KCND3: variants seen among roughly 807,000 people sequenced by gnomAD.
KCND3 encodes the protein potassium voltage-gated channel subfamily D member 3.
A neutral mutation model predicts 51.1 loss-of-function variants in KCND3; 9 were observed. The observed-to-expected ratio is 0.18, with a 90% CI of 0.11 to 0.31. KCND3 has a LOEUF of 0.31. Among genes scored for constraint, KCND3 ranks in the 10% least tolerant of loss-of-function variants. The pLI, the probability that KCND3 is intolerant of heterozygous loss-of-function variation, is 1.00. For missense variants in KCND3, 526 were observed against 903.8 expected, an observed-to-expected ratio of 0.58 and a Z score of 5.36; for synonymous variants, 349 against 368.0, an observed-to-expected ratio of 0.95 and a Z score of 0.59.
Position 111,982,100 on chromosome 1 carries a change from C to G in KCND3, c.627G>C (p.Thr209=), listed in dbSNP as rs149299911. 3.0e-4 allele frequency: 490 copies of G among 1,613,708 alleles called. 2 individuals are homozygous for G. The African/African-American group carries it at 6.0e-3, about 20-fold the overall frequency. Residue 209 remains threonine, a synonymous_variant, in exon 2 of 8, where the codon ACG becomes ACC. Transcript: ENST00000302127. The surrounding 1 kb of genome is among the most constrained non-coding windows in gnomAD (Gnocchi z 8.5). Reference sequence around the variant, plus strand: ...ACGGCAGCTCCTTGCTGCCCGGGACCGTGCCGCACGGCACCGTCTCCACCA... The same window carrying G: ...ACGGCAGCTCCTTGCTGCCCGGGACGGTGCCGCACGGCACCGTCTCCACCA... ...TNVVETVPCG[T]VPGSKELPCG... is the part of the protein sequence containing the mutation.
intron 2 of KCND3, among the ~76,000 whole-genome samples, chr1:111,860,581 T>C (rs1168587006): frequency 6.6e-6 from 1 of 152,164 alleles, no homozygotes; most frequent in Non-Finnish European, 1.5e-5. Context: ...TGCTAATGCA[T>C]GACCCACACT....
At chr1:111,820,720 C>G (rs10745321) in intron 2 of KCND3, among the ~76,000 whole-genome samples, 104,003 of 152,034 alleles carry the variant, frequency 0.68, 35,699 homozygotes, top group Middle Eastern at 0.71. Context: ...TTGAAATAGG[C>G]TCTTTGTGGA....
At chr1:111,823,764 C>T (rs1425111778) in intron 2 of KCND3, among the ~76,000 whole-genome samples, 1 of 152,132 alleles carries the variant, frequency 6.6e-6, no homozygotes, top group African/African-American at 2.4e-5. Context: ...TGCACAAGGT[C>T]CCTCAGCTAG....
intron 2 of KCND3, among the ~76,000 whole-genome samples, chr1:111,901,471 G>A (rs1429009033): frequency 6.6e-6 from 1 of 152,174 alleles, no homozygotes; most frequent in Non-Finnish European, 1.5e-5. Flanking sequence ...ACTTTCATTT[G>A]TTTCTTCAAC....
chr1:111,956,172 T>A (rs1673330382), intron 2 of KCND3, among the ~76,000 whole-genome samples: 1 of 151,504 alleles, frequency 6.6e-6, no homozygotes, highest in Non-Finnish European at 1.5e-5. Context: ...TGAGCTGGAG[T>A]CCTTGGAGAC....
chr1:111,779,470 T>C (rs1664277391), intron 5 of KCND3, among the ~76,000 whole-genome samples: 1 of 152,194 alleles, frequency 6.6e-6, no homozygotes. Flanking sequence ...GCAGGAAGGC[T>C]TTCACTTTGT....
chr1:111,826,118 T>C (rs1265144006), intron 2 of KCND3, among the ~76,000 whole-genome samples: 4 of 152,232 alleles, frequency 2.6e-5, no homozygotes, highest in African/African-American at 7.2e-5. Context: ...ATTTCTTCTT[T>C]AGCGAATTGT....
chr1:111,818,038 G>T (rs901744000), intron 2 of KCND3, among the ~76,000 whole-genome samples: 2 of 112,228 alleles, frequency 1.8e-5, no homozygotes, highest in Non-Finnish European at 3.6e-5. Flanking sequence ...GCACACGCGC[G>T]TGCACACACA....
chr1:111,970,358 T>C (rs1674259257), intron 2 of KCND3, among the ~76,000 whole-genome samples: 1 of 152,238 alleles, frequency 6.6e-6, no homozygotes, highest in Non-Finnish European at 1.5e-5. Context: ...TTGCCTGTTC[T>C]GTTCACAGAT....
At chr1:111,882,843 A>G (rs1178930038) in intron 2 of KCND3, among the ~76,000 whole-genome samples, 2 of 152,028 alleles carry the variant, frequency 1.3e-5, no homozygotes, top group Non-Finnish European at 1.5e-5. Context: ...CCACCCCAGG[A>G]CCTCGGCCCA....
chr1:111,782,097 T>C (rs1041032681), intron 3 of KCND3, among the ~76,000 whole-genome samples: 1 of 152,190 alleles, frequency 6.6e-6, no homozygotes, highest in East Asian at 1.9e-4. Context: ...GACTTCAGCA[T>C]GGACCCTAAG....
chr1:111,832,228 T>C (rs929963394), intron 2 of KCND3, among the ~76,000 whole-genome samples: 1 of 152,090 alleles, frequency 6.6e-6, no homozygotes, highest in Admixed American at 6.5e-5. Flanking sequence ...CTTTAAAAGG[T>C]GGGGTGCATG....
At chr1:111,894,491 T>A (rs562002206) in intron 2 of KCND3, among the ~76,000 whole-genome samples, 19 of 152,292 alleles carry the variant, frequency 1.2e-4, no homozygotes, top group African/African-American at 4.6e-4. Flanking sequence ...GTGTTTTTTA[T>A]CCCCCCACTA....
chr1:111,987,859 G>T (rs1675377354), intron 1 of KCND3, among the ~76,000 whole-genome samples: 2 of 152,140 alleles, frequency 1.3e-5, no homozygotes, highest in Admixed American at 1.3e-4. Context: ...GGGGGTGGGG[G>T]GAGGCTGGAA....
At chr1:111,834,601 C>T (rs961268719) in intron 2 of KCND3, among the ~76,000 whole-genome samples, 1 of 152,118 alleles carries the variant, frequency 6.6e-6, no homozygotes, top group Admixed American at 6.5e-5. Flanking sequence ...AAGAGGTCAC[C>T]CAGGCTTTGA....
At chr1:111,930,884 C>T (rs977238977) in intron 2 of KCND3, among the ~76,000 whole-genome samples, 6 of 152,186 alleles carry the variant, frequency 3.9e-5, no homozygotes, top group African/African-American at 1.4e-4. Context: ...CCAGGTAGCT[C>T]AGTTCTGCAG....
intron 2 of KCND3, among the ~76,000 whole-genome samples, chr1:111,963,373 C>T (rs1673777729): frequency 6.6e-6 from 1 of 152,230 alleles, no homozygotes; most frequent in African/African-American, 2.4e-5. Context: ...ATCCTAGAGC[C>T]AGAATGCCTC....
In KCND3 at chr1:111,771,207, A is replaced by T. The variant is rs988588967; in HGVS notation, c.*4870T>A. On this transcript the variant is annotated 3_prime_UTR_variant, in exon 8 of 8. Transcript: ENST00000302127. ...CAGAACATTCTGAATAGAAAACAAG[A>T]CTTAAAAGGAACCCCTTTAAAGCTG... 1 of 152,152 alleles carries T rather than the reference A, an allele frequency of 6.6e-6. No individual in the cohort carries two copies. Among genetic ancestry groups the T allele is most frequent in the Admixed American group, 6.5e-5 (1 of 15,276 alleles). The allele number at this position is 152,152 out of a possible 1,614,324, so 9.4% of individuals were successfully genotyped here. A position where few individuals can be genotyped will look rare whatever the true frequency, so the allele number is the denominator to read the frequency against.
chr1:111,857,123 AG>A (rs1225760222), intron 2 of KCND3, among the ~76,000 whole-genome samples: 5 of 152,212 alleles, frequency 3.3e-5, no homozygotes, highest in African/African-American at 1.2e-4. Flanking sequence ...ATTTACAAAT[AG>A]TAAGTGAACA....
Sources: allele counts gnomAD v4.1 joint callset (sites outside exome capture counted in the v4.1 genomes callset), GRCh38; gene constraint gnomAD v4.1.1; non-coding constraint Gnocchi (gnomAD v3.1); transcripts MANE v1.5; gene names NCBI Gene and HGNC (gene_info 2026-07-23, HGNC 2026-07-21).